Variants in LNP1 observed in about 807,000 individuals in gnomAD.
LNP1 encodes leukemia NUP98 fusion partner 1.
A neutral mutation model predicts 14.5 loss-of-function variants in LNP1; 12 were observed. That is an observed-to-expected ratio of 0.83 (90% confidence interval 0.53 to 1.34). LNP1 has a LOEUF of 1.34. LNP1 is among the 40% of genes most tolerant of loss of function. The pLI, the probability that LNP1 is intolerant of heterozygous loss-of-function variation, is 0.00. For missense variants in LNP1, 198 were observed against 210.9 expected, an observed-to-expected ratio of 0.94 and a Z score of 0.38; for synonymous variants, 75 against 71.4, an observed-to-expected ratio of 1.05 and a Z score of -0.26.
intron 2 of LNP1, 54 bp from the exon 3 acceptor site, chr3:100,451,665 G>C (rs1707438726): frequency 1.8e-6 from 1 of 560,306 alleles, no homozygotes; most frequent in South Asian, 2.6e-5. Context: ...CTGCCTCTGT[G>C]CTAACATTGC....
chr3:100,423,066 A>G (rs911326940), intron 1 of LNP1, among the ~76,000 whole-genome samples: 21 of 152,178 alleles, frequency 1.4e-4, no homozygotes, highest in African/African-American at 4.8e-4. Flanking sequence ...GAGTCTGACA[A>G]TCAGGTCATT....
chr3:100,431,996 A>T (rs1707247022), intron 2 of LNP1, among the ~76,000 whole-genome samples: 1 of 1,022 alleles, frequency 9.8e-4, no homozygotes, highest in Non-Finnish European at 2.5e-3. Context: ...CCTTGTTTAT[A>T]TATATATATA....
intron 3 of LNP1, among the ~76,000 whole-genome samples, chr3:100,452,581 A>G (rs1707470364): frequency 6.6e-6 from 1 of 152,120 alleles, no homozygotes. Context: ...ACAATTTGGA[A>G]AAAGAAAAAA....
At chr3:100,422,640 T>C (rs765937321) in intron 1 of LNP1, among the ~76,000 whole-genome samples, 16 of 152,244 alleles carry the variant, frequency 1.1e-4, no homozygotes, top group South Asian at 6.2e-4. Context: ...AGATGATTTA[T>C]TGGCTCTTCA....
At chr3:100,402,776 A>T (rs1706924825) in intron 1 of LNP1, among the ~76,000 whole-genome samples, 1 of 151,964 alleles carries the variant, frequency 6.6e-6, no homozygotes, top group Non-Finnish European at 1.5e-5. Context: ...TATTTATTGG[A>T]GTAAGCAATA....
intron 2 of LNP1, among the ~76,000 whole-genome samples, chr3:100,431,461 G>A (rs946831403): frequency 1.3e-4 from 20 of 152,208 alleles, no homozygotes; most frequent in Middle Eastern, 3.4e-3. Context: ...AATGAATTCC[G>A]TAATTATTAG....
At chr3:100,437,580 A>G (rs191828243) in intron 2 of LNP1, among the ~76,000 whole-genome samples, 5 of 152,330 alleles carry the variant, frequency 3.3e-5, no homozygotes, top group Admixed American at 3.3e-4. Flanking sequence ...CTATCATTTT[A>G]CCAGTTGAAT....
chr3:100,435,453 G>A (rs890402847), intron 2 of LNP1, among the ~76,000 whole-genome samples: 4 of 152,184 alleles, frequency 2.6e-5, no homozygotes. Flanking sequence ...AATAAGTAAT[G>A]TATATACAGT....
chr3:100,417,977 T>C (rs1707102799), intron 1 of LNP1, among the ~76,000 whole-genome samples: 1 of 152,074 alleles, frequency 6.6e-6, no homozygotes, highest in African/African-American at 2.4e-5. Flanking sequence ...ATTTTTTCTC[T>C]TTATTTCTAA....
intron 1 of LNP1, among the ~76,000 whole-genome samples, chr3:100,422,559 A>T (rs1449438628): frequency 2.0e-5 from 3 of 152,144 alleles, no homozygotes; most frequent in Non-Finnish European, 4.4e-5. Flanking sequence ...ACACTTTTGG[A>T]GACAAAGCTA....
At chr3:100,429,641 G>C in intron 1 of LNP1, 56 bp from the exon 2 acceptor site, 1 of 1,163,608 alleles carries the variant, frequency 8.6e-7, no homozygotes, top group Non-Finnish European at 1.2e-6. Flanking sequence ...TTTTGGGAGA[G>C]ATCCTGGGTT....
intron 1 of LNP1, among the ~76,000 whole-genome samples, chr3:100,413,274 T>C (rs1005489319): frequency 1.3e-5 from 2 of 152,100 alleles, no homozygotes; most frequent in African/African-American, 2.4e-5. Flanking sequence ...GGTTATTTTT[T>C]CCCCCCAATC....
intron 1 of LNP1, among the ~76,000 whole-genome samples, chr3:100,408,611 A>G (rs1037558409): frequency 7.2e-5 from 11 of 152,262 alleles, no homozygotes; most frequent in Non-Finnish European, 1.5e-4. Context: ...CACAGGGGCT[A>G]TGGTTTCCCA....
chr3:100,411,821 C>T (rs1337791238), intron 1 of LNP1, among the ~76,000 whole-genome samples: 1 of 152,140 alleles, frequency 6.6e-6, no homozygotes, highest in South Asian at 2.1e-4. Flanking sequence ...TCCCCAAAGT[C>T]CCATCTCCAA....
At chr3:100,445,355 C>A (rs942659971) in intron 2 of LNP1, among the ~76,000 whole-genome samples, 16 of 152,142 alleles carry the variant, frequency 1.1e-4, no homozygotes, top group Non-Finnish European at 2.4e-4. Context: ...CCTTGACAGT[C>A]CCCAGGCCTT....
chr3:100,449,289 A>G (rs1303361672), intron 2 of LNP1, among the ~76,000 whole-genome samples: 1 of 152,054 alleles, frequency 6.6e-6, no homozygotes, highest in African/African-American at 2.4e-5. Flanking sequence ...GTGTCTAAAT[A>G]CATTCTTCTT....
chr3:100,429,658 T>A, intron 1 of LNP1, 39 bp from the exon 2 acceptor site: 1 of 1,362,062 alleles, frequency 7.3e-7, no homozygotes, highest in East Asian at 2.3e-5. Flanking sequence ...GGTTTCATTG[T>A]CAGCCCTGTT....
intron 1 of LNP1, among the ~76,000 whole-genome samples, chr3:100,428,039 G>A (rs986320854): frequency 2.6e-5 from 4 of 152,194 alleles, no homozygotes; most frequent in African/African-American, 4.8e-5. Flanking sequence ...TTGAAAATGC[G>A]AGACTTCTCC....
At chr3:100,427,167 A>G (rs763432781) in intron 1 of LNP1, among the ~76,000 whole-genome samples, 31 of 152,034 alleles carry the variant, frequency 2.0e-4, no homozygotes, top group Non-Finnish European at 4.0e-4. Context: ...CTGACTTAAC[A>G]AAAACGTTAA....
Sources: gnomAD v4.1 joint callset for allele counts (sites outside exome capture counted in the v4.1 genomes callset) on GRCh38, gnomAD v4.1.1 for gene constraint, MANE v1.5 for transcripts, NCBI Gene and HGNC (gene_info 2026-07-23, HGNC 2026-07-21) for gene names.